The following MYO1D variants were observed in gnomAD, a reference collection of about 807,000 sequenced individuals.
MYO1D encodes the protein myosin ID.
In MYO1D, 83 loss-of-function variants were observed where a neutral mutation model predicts 122.0. That is an observed-to-expected ratio of 0.68 (90% CI 0.57 to 0.82). The LOEUF (loss-of-function observed/expected upper bound fraction) is 0.82, where lower values mean the gene tolerates loss of function less well. Ranked by LOEUF, MYO1D falls within the 40% of genes least tolerant of loss-of-function variation. The probability of loss-of-function intolerance (pLI) is 0.00; values close to 1 mark genes in which losing one functional copy is unlikely to be tolerated. For synonymous variants in MYO1D, 464 were observed against 446.9 expected, an observed-to-expected ratio of 1.04 and a Z score of -0.48; for missense variants, 1,157 against 1,269.5, an observed-to-expected ratio of 0.91 and a Z score of 1.35.
intron 11 of MYO1D, among the ~76,000 whole-genome samples, chr17:32,750,475 C>T (rs1598064286): frequency 1.3e-5 from 2 of 151,918 alleles, no homozygotes; most frequent in African/African-American, 4.8e-5. Flanking sequence ...ATTAGCCGGG[C>T]GTGGTGGCAG....
At chr17:32,627,615 T>C (rs968791365) in intron 20 of MYO1D, 1 of 152,082 alleles carries the variant, frequency 6.6e-6, no homozygotes, top group African/African-American at 2.4e-5. Flanking sequence ...CCTGCTTGCT[T>C]TGTATTCTCC....
intron 8 of MYO1D, among the ~76,000 whole-genome samples, chr17:32,764,507 T>C (rs924605790): frequency 2.0e-5 from 3 of 152,186 alleles, no homozygotes; most frequent in Admixed American, 6.5e-5. Context: ...TGTGTACATG[T>C]CCTGAAATAT....
chr17:32,745,652 C>G (rs766110781), intron 12 of MYO1D: 67 of 182,690 alleles, frequency 3.7e-4, no homozygotes, highest in Non-Finnish European at 6.1e-4. Flanking sequence ...CTAAGGTTCA[C>G]TCAGTGTTGA....
chr17:32,645,319 G>A (rs12600577), intron 19 of MYO1D, among the ~76,000 whole-genome samples: 6,995 of 151,132 alleles, frequency 0.046, 242 homozygotes, highest in East Asian at 0.19. Context: ...TGGGTAACCC[G>A]AGGGCTGCCC....
intron 21 of MYO1D, among the ~76,000 whole-genome samples, chr17:32,597,013 A>C (rs2150908212): frequency 6.6e-6 from 1 of 152,372 alleles, no homozygotes; most frequent in East Asian, 1.9e-4. Context: ...CCTTAGGCTA[A>C]TGTGATATAT....
intron 1 of MYO1D, among the ~76,000 whole-genome samples, chr17:32,870,894 T>C (rs2091173267): frequency 1.3e-5 from 2 of 152,220 alleles, no homozygotes; most frequent in Admixed American, 1.3e-4. Context: ...AAAACCTGGA[T>C]CTACCTCTGA....
chr17:32,840,010 C>G (rs895107331), intron 1 of MYO1D, among the ~76,000 whole-genome samples: 4 of 152,162 alleles, frequency 2.6e-5, no homozygotes, highest in Non-Finnish European at 5.9e-5. Flanking sequence ...GATCTTGTTT[C>G]AATTACAATT....
intron 1 of MYO1D, among the ~76,000 whole-genome samples, chr17:32,790,376 C>T (rs1348989152): frequency 6.6e-6 from 1 of 152,194 alleles, no homozygotes; most frequent in African/African-American, 2.4e-5. Flanking sequence ...CTATCCCCAT[C>T]ATTCCACACC....
chr17:32,859,139 A>G (rs2091049702), intron 1 of MYO1D, among the ~76,000 whole-genome samples: 1 of 152,212 alleles, frequency 6.6e-6, no homozygotes. Flanking sequence ...TACATAATGT[A>G]TGGATATAGG....
At chr17:32,771,940 CTAAAT>C (rs1362733656) in intron 5 of MYO1D, among the ~76,000 whole-genome samples, 1 of 152,128 alleles carries the variant, frequency 6.6e-6, no homozygotes, top group Non-Finnish European at 1.5e-5. Flanking sequence ...TTTAAATTCT[CTAAAT>C]TAAACTGTAT....
chr17:32,515,321 GTCTTT>G (rs1318670032), intron 21 of MYO1D, among the ~76,000 whole-genome samples: 1 of 152,156 alleles, frequency 6.6e-6, no homozygotes, highest in Non-Finnish European at 1.5e-5. Flanking sequence ...CCCTCCTCCT[GTCTTT>G]TCTTTGACAT....
chr17:32,536,753 T>C (rs552990554), intron 21 of MYO1D, among the ~76,000 whole-genome samples: 1 of 152,366 alleles, frequency 6.6e-6, no homozygotes, highest in Admixed American at 6.5e-5. Context: ...GTCACGGCTG[T>C]AGAATTTTCC....
At position 32,775,893 on chromosome 17, in the gene MYO1D, C is replaced by T; in HGVS notation, c.535G>A (p.Gly179Arg). Residue 179 changes from glycine to arginine, a missense_variant, in exon 4 of 22, where the codon GGG becomes AGG. Transcript: ENST00000318217. ...NFDFKGDPIGGHINNYLLEKS... is the reference protein window; with the variant it reads ...NFDFKGDPIGRHINNYLLEKS... ...TCTAGTAAGTAGTTATTGATATGCC[C>T]ACCAATAGGGTCACCCTTGAAGTCA... The T allele has an allele frequency of 6.2e-7, 1 of 1,612,802 alleles. No individual in the cohort carries two copies. Among genetic ancestry groups the T allele is most frequent in the African/African-American group, 1.3e-5 (1 of 74,986 alleles).
At chr17:32,644,697 T>A (rs1202159709) in intron 19 of MYO1D, among the ~76,000 whole-genome samples, 2 of 152,230 alleles carry the variant, frequency 1.3e-5, no homozygotes, top group Non-Finnish European at 2.9e-5. Context: ...TTGATCTTCG[T>A]TGGTTTAAGG....
intron 20 of MYO1D, among the ~76,000 whole-genome samples, chr17:32,633,119 A>C (rs1340625194): frequency 6.6e-6 from 1 of 152,140 alleles, no homozygotes; most frequent in African/African-American, 2.4e-5. Flanking sequence ...GTTCAGCTCA[A>C]GCCATTCTTA....
chr17:32,691,384 G>A lies in MYO1D; in HGVS notation c.2121+20604C>T, dbSNP rs569828876. Among the ~76,000 whole-genome samples, 293 of 148,358 alleles carry A rather than the reference G, an allele frequency of 2.0e-3. 3 individuals are homozygous for A. The highest frequency in any genetic ancestry group is 7.1e-3 in the African/African-American group (286 of 40,348). ...TCTTCATTATTTCCCACTGTCATGAGAAATGTTGCAAAGAAAATTCTTTTT... is the reference window on the plus strand; with the variant it reads ...TCTTCATTATTTCCCACTGTCATGAAAAATGTTGCAAAGAAAATTCTTTTT... On this transcript the variant is annotated intron_variant, in intron 16 of 21. Transcript: ENST00000318217.
intron 21 of MYO1D, among the ~76,000 whole-genome samples, chr17:32,555,589 C>T (rs2087061396): frequency 6.6e-6 from 1 of 152,308 alleles, no homozygotes; most frequent in South Asian, 2.1e-4. Flanking sequence ...AAACCAAAAT[C>T]TCTTGACCTG....
rs184387266 is a variant in MYO1D, at chr17:32,577,878, A to G, written c.2864+27209T>C. ...CTCAGCCTCCTGAGTAGCTGGGACT[A>G]CAGGCACCCGCCACCACGCCTGGCT... On this transcript the variant is annotated intron_variant, in intron 21 of 21. Coordinates refer to ENST00000318217, the MANE Select transcript of MYO1D (RefSeq NM_015194.3). Among the ~76,000 whole-genome samples, 1,473 of 152,076 alleles carry G rather than the reference A, an allele frequency of 9.7e-3. 21 individuals are homozygous for G. The highest frequency in any genetic ancestry group is 0.034 in the African/African-American group (1,405 of 41,460).
In MYO1D at chr17:32,613,672, G is replaced by A. The variant is rs572709901; in HGVS notation, c.2710-8431C>T. ...GCCTGTAATCCCAGCTACTCGGGGG[G>A]CTGAGGCAGGAGAATCGCATGAACC... On this transcript the variant is annotated intron_variant, in intron 20 of 21. Coordinates refer to ENST00000318217, the MANE Select transcript of MYO1D (RefSeq NM_015194.3). Among the ~76,000 whole-genome samples, 6 of 151,450 alleles carry A rather than the reference G, an allele frequency of 4.0e-5. No homozygotes were observed. The East Asian group carries it at 9.7e-4, about 25-fold the overall frequency.
Sources: gnomAD v4.1 joint callset for allele counts (sites outside exome capture counted in the v4.1 genomes callset) on GRCh38, gnomAD v4.1.1 for gene constraint, MANE v1.5 for transcripts, NCBI Gene and HGNC (gene_info 2026-07-23, HGNC 2026-07-21) for gene names.